Variants in NOP14 observed in about 807,000 individuals in gnomAD.
NOP14 encodes NOP14 nucleolar protein, also known as nucleolar protein 14.
NOP14 carries 57 observed loss-of-function variants against 101.6 expected under a neutral mutation model. That is an observed-to-expected ratio of 0.56 (90% CI 0.45 to 0.70). NOP14 has a LOEUF of 0.70. Ranked by LOEUF, NOP14 falls within the 30% of genes least tolerant of loss-of-function variation. The pLI is 0.00. For missense variants in NOP14, 1,134 were observed against 1,075.5 expected (o/e 1.05, Z -0.76); for synonymous variants, 428 against 424.0 (o/e 1.01, Z -0.12).
At chr4:2,958,154 A>T (rs953824678) in intron 1 of NOP14, among the ~76,000 whole-genome samples, 1 of 152,212 alleles carries the variant, frequency 6.6e-6, no homozygotes, top group African/African-American at 2.4e-5. Context: ...ACTCCTAAGA[A>T]ATGTGTAGTT....
Position 2,947,516 on chromosome 4 carries a change from T to C in NOP14, c.1499+10A>G. 3 of 1,601,892 alleles carry C rather than the reference T, an allele frequency of 1.9e-6. No individual in the cohort carries two copies. The South Asian group carries it at 3.3e-5, about 18-fold the overall frequency. ...CCCCACATCCCAGATGACACACCAT[T>C]TTTACTTACACAACCAACTTATCAA... On this transcript the variant is annotated intron_variant, in intron 10 of 17. Coordinates refer to ENST00000416614, the MANE Select transcript of NOP14 (RefSeq NM_001291978.2).
At chr4:2,942,099 A>C in intron 14 of NOP14, 93 bp downstream of exon 14, 1 of 1,339,342 alleles carries the variant, frequency 7.5e-7, no homozygotes, top group Non-Finnish European at 1.0e-6. Flanking sequence ...CGGCAAGTTC[A>C]CTAAGAACAG....
At chr4:2,946,346 C>G in intron 11 of NOP14, 66 bp downstream of exon 11, 1 of 1,591,696 alleles carries the variant, frequency 6.3e-7, no homozygotes, top group Non-Finnish European at 8.6e-7. Flanking sequence ...TACCCGTCGT[C>G]CACCTTCTGT....
chr4:2,946,739 T>G, intron 10 of NOP14, 192 bp from the exon 11 acceptor site: 1 of 583,640 alleles, frequency 1.7e-6, no homozygotes, highest in Non-Finnish European at 3.0e-6. Flanking sequence ...GGCCATAACA[T>G]TATGGACTGG....
rs1219975021 is a variant in NOP14, at chr4:2,960,822, T to G, written c.195+2303A>C. ...TTAATATATTAATATTATAATCACA[T>G]TATCAATATATTAATATTATAATCA... On this transcript the variant is annotated intron_variant, in intron 1 of 17. Transcript: ENST00000416614. Among the ~76,000 whole-genome samples the G allele has an allele frequency of 1.1e-4, 7 of 64,840 alleles. No homozygotes were observed. The East Asian group carries it at 1.5e-3, about 14-fold the overall frequency. The allele number at this position is 64,840 out of a possible 152,430, so 42.5% of individuals were successfully genotyped here.
At chr4:2,960,230 C>A (rs1411301337) in intron 1 of NOP14, among the ~76,000 whole-genome samples, 4 of 152,026 alleles carry the variant, frequency 2.6e-5, no homozygotes, top group Admixed American at 2.0e-4. Flanking sequence ...CCTCGGCCTC[C>A]CAAAGTGCTA....
chr4:2,957,176 A>G (rs1423467285), intron 2 of NOP14, among the ~76,000 whole-genome samples: 2 of 151,992 alleles, frequency 1.3e-5, no homozygotes, highest in Admixed American at 6.6e-5. Context: ...TAATTTTTGT[A>G]TTTTTAGTAG....
chr4:2,939,172 C>T lies in NOP14; in HGVS notation c.2474+16G>A, dbSNP rs773481065. The T allele has an allele frequency of 1.2e-6, 2 of 1,613,714 alleles. No individual in the cohort carries two copies. The highest frequency in any genetic ancestry group is 1.7e-6 in the Non-Finnish European group (2 of 1,179,910). On this transcript the variant is annotated intron_variant, in intron 17 of 17. Transcript: ENST00000416614. ...AGTGACACCACAATCGTGTCGCACA[C>T]ACACGTCCCCCTCACCGTTCCATGA... is the stretch of plus-strand genomic sequence containing the variant.
chr4:2,956,751 CATA>C lies in NOP14; in HGVS notation c.388_390del (p.Tyr130del). The C allele has an allele frequency of 6.2e-7, 1 of 1,613,232 alleles. No individual in the cohort carries two copies. The highest frequency in any genetic ancestry group is 8.5e-7 in the Non-Finnish European group (1 of 1,179,724). On this transcript the variant is annotated inframe_deletion, in exon 3 of 18. Transcript: ENST00000416614. ...TTCTCGATGTCTGCCAAAGACTGGC[CATA>C]ATGAGTCAATTCTTCATCTTCATTT...
rs761724189 is a variant in NOP14, at chr4:2,941,676, T to A, written c.2105A>T (p.Tyr702Phe). ...GGCGTGGAAGGATGGCAGGGACCCGTACATGAGCACGCAGCGCTTCAGCAG... is the reference window on the plus strand; with the variant it reads ...GGCGTGGAAGGATGGCAGGGACCCGAACATGAGCACGCAGCGCTTCAGCAG... Reference protein sequence around the residue: ...LALLKRCVLMYGSLPSFHAIM... With the variant: ...LALLKRCVLMFGSLPSFHAIM... The change falls in exon 15 of 18, where the codon TAC becomes TTC. Residue 702 changes from tyrosine (Y) to phenylalanine (F), a missense_variant. Transcript: ENST00000416614. The A allele has an allele frequency of 1.2e-6, 2 of 1,613,204 alleles. No homozygotes were observed. The highest frequency in any genetic ancestry group is 4.5e-5 in the East Asian group (2 of 44,858).
rs116647362 is a variant in NOP14 at position 2,941,881 on chromosome 4, C to T, written c.2052-152G>A. 248 of 879,732 alleles carry T rather than the reference C, an allele frequency of 2.8e-4. 1 individual carries two copies. The African/African-American group carries it at 3.3e-3, about 12-fold the overall frequency. The allele number at this position is 879,732 out of a possible 1,614,324, so 54.5% of individuals were successfully genotyped here. ...GGCCAGGGTTGGGCCCATGCAACCA[C>T]GGGCAAGGCAGGCTCAGGGTCAGGC... is the stretch of plus-strand genomic sequence containing the variant. On this transcript the variant is annotated intron_variant, in intron 14 of 17. Transcript: ENST00000416614.
intron 3 of NOP14, among the ~76,000 whole-genome samples, chr4:2,955,665 G>A (rs1159026667): frequency 6.6e-6 from 1 of 152,264 alleles, no homozygotes; most frequent in Non-Finnish European, 1.5e-5. Context: ...CAGTCTCGGG[G>A]AATTAGGATC....
rs181827042 is a variant in NOP14 at position 2,953,612 on chromosome 4, C to T, written c.646G>A (p.Glu216Lys). 1.2e-5 allele frequency: 20 copies of T among 1,614,114 alleles called. No homozygotes were observed. The African/African-American group carries it at 1.7e-4, about 14-fold the overall frequency. ...ERQAQREDAL[E>K]LTEKLDQDWK... ...TCTTGGTCTAGCTTCTCCGTGAGCTCGAGGGCATCTTCTCGTTGAGCTTGT... is the reference window on the plus strand; with the variant it reads ...TCTTGGTCTAGCTTCTCCGTGAGCTTGAGGGCATCTTCTCGTTGAGCTTGT... The change falls in exon 5 of 18, where the codon GAG (glutamate) becomes AAG (lysine). Residue 216 changes from glutamate to lysine, a missense_variant. By Grantham distance (56) the Glu-to-Lys change is moderately conservative (BLOSUM62 1). Coordinates refer to ENST00000416614, the MANE Select transcript of NOP14 (RefSeq NM_001291978.2).
chr4:2,949,026 G>C (rs1290835614), intron 8 of NOP14, among the ~76,000 whole-genome samples: 6 of 152,174 alleles, frequency 3.9e-5, no homozygotes, highest in Non-Finnish European at 7.3e-5. Flanking sequence ...GCTGGGTTTA[G>C]TGCCCAGACT....
chr4:2,957,826 TCAGGGC>T, intron 1 of NOP14, 86 bp from the exon 2 acceptor site: 1 of 1,405,666 alleles, frequency 7.1e-7, no homozygotes, highest in South Asian at 1.3e-5. Context: ...ACTTTAAAGT[TCAGGGC>T]TATGCACAGT....
intron 13 of NOP14, among the ~76,000 whole-genome samples, chr4:2,942,867 C>CA (rs1714320649): frequency 6.6e-6 from 1 of 152,106 alleles, no homozygotes; most frequent in Non-Finnish European, 1.5e-5. Context: ...TCACTCGCCA[C>CA]GGAGAAGGGC....
intron 16 of NOP14, 90 bp downstream of exon 16, chr4:2,939,437 C>G (rs2109287420): frequency 1.9e-6 from 3 of 1,600,870 alleles, no homozygotes; most frequent in Middle Eastern, 1.7e-4. Flanking sequence ...CCGTAGTCAT[C>G]TGCTCAACTG....
intron 1 of NOP14, among the ~76,000 whole-genome samples, chr4:2,962,661 T>TA (rs79391581): frequency 6.6e-4 from 98 of 147,718 alleles, no homozygotes; most frequent in Middle Eastern, 7.0e-3. Flanking sequence ...AGTGAAAATT[T>TA]AAAAAAAAAA....
chr4:2,939,428 C>T (rs556699185), intron 16 of NOP14, 85 bp from the exon 17 acceptor site: 81 of 1,602,026 alleles, frequency 5.1e-5, no homozygotes, highest in African/African-American at 1.2e-4. Context: ...GGCTTCACTC[C>T]GTAGTCATCT....
Sources: allele counts gnomAD v4.1 joint callset (sites outside exome capture counted in the v4.1 genomes callset), GRCh38; gene constraint gnomAD v4.1.1; transcripts MANE v1.5; gene names NCBI Gene and HGNC (gene_info 2026-07-23, HGNC 2026-07-21).